Variants in BBS9 observed in about 807,000 individuals in gnomAD.
BBS9 encodes the protein protein PTHB1.
BBS9 carries 89 observed loss-of-function variants against 117.7 expected under a neutral mutation model. The observed-to-expected ratio is 0.76, with a 90% CI of 0.64 to 0.90. BBS9 has a LOEUF of 0.90. BBS9 is among the 40% of genes least tolerant of loss of function. The pLI is 0.00. For synonymous variants in BBS9, 379 were observed against 370.9 expected (o/e 1.02, Z -0.25); for missense variants, 982 against 1,042.2 (o/e 0.94, Z 0.80).
chr7:33,341,303 G>A (rs1816503846), intron 11 of BBS9, among the ~76,000 whole-genome samples: 1 of 152,096 alleles, frequency 6.6e-6, no homozygotes, highest in African/African-American at 2.4e-5. Flanking sequence ...TAATACTAAT[G>A]TAGCTGAATA....
chr7:33,222,336 A>C (rs1194529663), intron 5 of BBS9, among the ~76,000 whole-genome samples: 1 of 152,188 alleles, frequency 6.6e-6, no homozygotes, highest in African/African-American at 2.4e-5. Flanking sequence ...GAATGCATGG[A>C]ATGGGTGACA....
intron 5 of BBS9, among the ~76,000 whole-genome samples, chr7:33,195,033 A>C (rs919482730): frequency 1.1e-4 from 17 of 152,184 alleles, no homozygotes; most frequent in African/African-American, 3.9e-4. Context: ...TCTGATTCCA[A>C]AGCTCATGTT....
chr7:33,189,121 A>C (rs987369559), intron 5 of BBS9, among the ~76,000 whole-genome samples: 2 of 152,112 alleles, frequency 1.3e-5, no homozygotes, highest in Non-Finnish European at 2.9e-5. Flanking sequence ...CCCGAGTTCA[A>C]GCAGTCCTCC....
At chr7:33,178,846 A>C (rs1797712271) in intron 5 of BBS9, among the ~76,000 whole-genome samples, 1 of 152,140 alleles carries the variant, frequency 6.6e-6, no homozygotes, top group South Asian at 2.1e-4. Context: ...ACCAAGCAGC[A>C]TCAGGGATAT....
At chr7:33,358,768 C>A (rs1820095276) in intron 16 of BBS9, among the ~76,000 whole-genome samples, 1 of 151,862 alleles carries the variant, frequency 6.6e-6, no homozygotes, top group Admixed American at 6.6e-5. Context: ...AAAATCAGCA[C>A]TGTTGGCTAG....
Position 33,604,909 on chromosome 7 carries a change from G to T in BBS9, c.2566G>T (p.Val856Leu), listed in dbSNP as rs764122627. ...AGAGTCAGACCTAGAAGAAAGATCA[G>T]TAGAACAAGACTCTACAGAACTGTT... ...IPESDLEERSVEQDSTELFTN... is the reference protein window; with the variant it reads ...IPESDLEERSLEQDSTELFTN... The change falls in exon 22 of 23, where the codon GTA becomes TTA. Residue 856 changes from valine (V) to leucine (L), a missense_variant. Transcript: ENST00000242067. The T allele has an allele frequency of 6.8e-6, 11 of 1,613,768 alleles. No individual in the cohort carries two copies. In the East Asian group the frequency reaches 2.2e-4, roughly 33 times the overall value.
At chr7:33,367,301 T>C (rs1313820083) in intron 16 of BBS9, among the ~76,000 whole-genome samples, 1 of 152,222 alleles carries the variant, frequency 6.6e-6, no homozygotes, top group Non-Finnish European at 1.5e-5. Flanking sequence ...TATTTTGTTT[T>C]TAAGTCTCTG....
At chr7:33,398,805 C>G (rs1828438282) in intron 19 of BBS9, among the ~76,000 whole-genome samples, 1 of 152,154 alleles carries the variant, frequency 6.6e-6, no homozygotes, top group African/African-American at 2.4e-5. Flanking sequence ...GTGGCATTAT[C>G]TTGGTTCACT....
intron 20 of BBS9, among the ~76,000 whole-genome samples, chr7:33,511,475 A>G (rs1846954771): frequency 6.6e-6 from 1 of 152,210 alleles, no homozygotes; most frequent in African/African-American, 2.4e-5. Context: ...ATATTAGCAC[A>G]TTGTATAGCA....
At chr7:33,147,903 A>G (rs1792671059) in intron 2 of BBS9, among the ~76,000 whole-genome samples, 1 of 151,730 alleles carries the variant, frequency 6.6e-6, no homozygotes, top group African/African-American at 2.4e-5. Flanking sequence ...TGTGTGTTCC[A>G]CATAGACAAC....
Position 33,383,710 on chromosome 7 carries a change from A to G in BBS9, c.1834A>G (p.Ile612Val). The G allele has an allele frequency of 1.9e-6, 3 of 1,611,220 alleles. No individual in the cohort carries two copies. The highest frequency in any genetic ancestry group is 2.5e-6 in the Non-Finnish European group (3 of 1,178,400). ...QSEQFEDLWLITNELILRLQE... is the reference protein window; with the variant it reads ...QSEQFEDLWLVTNELILRLQE... The stretch of plus-strand genomic sequence containing the variant: ...TGAACAATTTGAAGATCTTTGGCTC[A>G]TAACCAATGAGCTTATTCTTCGCCT... Residue 612 changes from isoleucine (I) to valine (V), a missense_variant, in exon 18 of 23, where the codon ATA becomes GTA. Transcript: ENST00000242067.
intron 19 of BBS9, among the ~76,000 whole-genome samples, chr7:33,421,356 G>A (rs1047525438): frequency 6.6e-6 from 1 of 152,130 alleles, no homozygotes; most frequent in Non-Finnish European, 1.5e-5. Context: ...AATACTCCCT[G>A]TCATACATCA....
intron 5 of BBS9, chr7:33,242,971 T>C (rs1195883889): frequency 1.9e-6 from 1 of 518,752 alleles, no homozygotes; most frequent in East Asian, 5.4e-5. Context: ...ATTTGAACTT[T>C]CTTGAGCCTT....
chr7:33,562,133 A>G (rs1369763655), intron 21 of BBS9, among the ~76,000 whole-genome samples: 3 of 152,168 alleles, frequency 2.0e-5, no homozygotes, highest in Non-Finnish European at 4.4e-5. Context: ...TATTAATGAT[A>G]CTCTGCCTTT....
In BBS9 at chr7:33,336,749, A is replaced by T; in HGVS notation, c.1198+127A>T. On this transcript the variant is annotated intron_variant, in intron 10 of 22. Transcript: ENST00000242067. ...GGCTTAATTAAAATCATATTTGTAA[A>T]AACAGTATTGCTCTTTAGCACACAA... 3 of 707,990 alleles carry T rather than the reference A, an allele frequency of 4.2e-6. No individual in the cohort carries two copies. In the South Asian group the frequency reaches 5.4e-5, roughly 13 times the overall value. The allele number at this position is 707,990 out of a possible 1,614,324, so 43.9% of individuals were successfully genotyped here.
chr7:33,152,095 A>T (rs1355237705), intron 2 of BBS9, among the ~76,000 whole-genome samples: 1 of 152,104 alleles, frequency 6.6e-6, no homozygotes, highest in Non-Finnish European at 1.5e-5. Context: ...CACACATCTA[A>T]TTAACTGGAC....
chr7:33,218,560 G>A (rs1223583730), intron 5 of BBS9, among the ~76,000 whole-genome samples: 2 of 152,214 alleles, frequency 1.3e-5, no homozygotes, highest in South Asian at 2.1e-4. Context: ...GGAGATAGGC[G>A]AGTATTCAGA....
chr7:33,592,423 C>G (rs1396486791), intron 21 of BBS9, among the ~76,000 whole-genome samples: 1 of 152,036 alleles, frequency 6.6e-6, no homozygotes, highest in African/African-American at 2.4e-5. Flanking sequence ...CAGAGTGTCC[C>G]TTTCTATGAT....
At chr7:33,610,213 A>G (rs918318709), downstream of BBS9, among the ~76,000 whole-genome samples, 5 of 152,146 alleles carry the variant, frequency 3.3e-5, no homozygotes, top group Admixed American at 2.6e-4. Context: ...AATTTCCTCC[A>G]TGGTTGAAAT....
Sources: gnomAD v4.1 joint callset for allele counts (sites outside exome capture counted in the v4.1 genomes callset) on GRCh38, gnomAD v4.1.1 for gene constraint, MANE v1.5 for transcripts, NCBI Gene and HGNC (gene_info 2026-07-23, HGNC 2026-07-21) for gene names.